Variants in FBLN7 observed in about 807,000 individuals in gnomAD.
The protein encoded by FBLN7 is fibulin-7.
A neutral mutation model predicts 44.0 loss-of-function variants in FBLN7; 31 were observed. The ratio of observed to expected loss-of-function variants is 0.70; its 90% CI spans 0.53 to 0.95. The LOEUF is 0.95. Ranked by LOEUF, FBLN7 falls within the 40% of genes least tolerant of loss-of-function variation. The pLI is 0.00. For synonymous variants in FBLN7, 262 were observed against 253.4 expected, an observed-to-expected ratio of 1.03 and a Z score of -0.32; for missense variants, 573 against 618.5, an observed-to-expected ratio of 0.93 and a Z score of 0.78.
chr2:112,141,256 C>T (rs1357072044), intron 1 of FBLN7, among the ~76,000 whole-genome samples: 4 of 152,152 alleles, frequency 2.6e-5, no homozygotes, highest in Non-Finnish European at 5.9e-5. Flanking sequence ...AAAGTGAGGC[C>T]CAGGGAGGAT....
intron 1 of FBLN7, among the ~76,000 whole-genome samples, chr2:112,150,161 G>A (rs143092119): frequency 3.9e-5 from 6 of 152,312 alleles, no homozygotes; most frequent in African/African-American, 1.4e-4. Flanking sequence ...ACCTTAGATG[G>A]AAGGGGAGGG....
At chr2:112,204,747 C>T in the FBLN7 span, among the ~76,000 whole-genome samples, 1 of 151,950 alleles carries the variant, frequency 6.6e-6, no homozygotes, top group Non-Finnish European at 1.5e-5. Flanking sequence ...TTCTCAAATA[C>T]AGAAAAATGG....
the FBLN7 span, among the ~76,000 whole-genome samples, chr2:112,241,439 AC>A: frequency 1.5e-3 from 232 of 150,834 alleles, 1 homozygote; most frequent in Non-Finnish European, 2.3e-3. Flanking sequence ...CTGTCCAGAG[AC>A]CCCCCCCTCA....
At chr2:112,244,400 C>T in the FBLN7 span, among the ~76,000 whole-genome samples, 76 of 152,126 alleles carry the variant, frequency 5.0e-4, no homozygotes, top group African/African-American at 1.7e-3. Flanking sequence ...AATGAGAAAC[C>T]AACAGCTAGA....
intron 1 of FBLN7, among the ~76,000 whole-genome samples, chr2:112,144,701 AT>A (rs1460040101): frequency 1.3e-5 from 2 of 151,230 alleles, no homozygotes; most frequent in Non-Finnish European, 3.0e-5. Flanking sequence ...TAATTTTTGT[AT>A]TTTTAGTAGA....
chr2:112,241,462 ATTGAATTCAGAAAATTCAGTGAAC>A, the FBLN7 span, among the ~76,000 whole-genome samples: 17 of 152,204 alleles, frequency 1.1e-4, no homozygotes, highest in East Asian at 1.9e-4. Context: ...GGGCCTATGG[ATTGAATTCAGAAAATTCAGTGAAC>A]TTGAATTCAG....
chr2:112,233,248 G>A, the FBLN7 span: 70 of 1,485,664 alleles, frequency 4.7e-5, no homozygotes, highest in Non-Finnish European at 5.9e-5. Flanking sequence ...CATATCTTGT[G>A]ATAAAGGATA....
the FBLN7 span, among the ~76,000 whole-genome samples, chr2:112,210,719 G>A: frequency 1.3e-5 from 2 of 150,760 alleles, no homozygotes; most frequent in Admixed American, 1.3e-4. Flanking sequence ...AGATGCTGGT[G>A]TGAAATCATG....
the FBLN7 span, among the ~76,000 whole-genome samples, chr2:112,217,181 C>T: frequency 6.6e-6 from 1 of 152,088 alleles, no homozygotes; most frequent in East Asian, 1.9e-4. Flanking sequence ...CCAGCCTGGC[C>T]AACATGGTGA....
intron 1 of FBLN7, among the ~76,000 whole-genome samples, chr2:112,142,798 G>A (rs1387182141): frequency 1.3e-5 from 2 of 150,884 alleles, no homozygotes; most frequent in Non-Finnish European, 2.9e-5. Context: ...AGATGTATGT[G>A]TCTCTGTGTG....
chr2:112,236,696 C>CCTGTGGGG, the FBLN7 span: 1 of 1,600,080 alleles, frequency 6.2e-7, no homozygotes, highest in Non-Finnish European at 8.5e-7. Context: ...TGTTTAGCAG[C>CCTGTGGGG]TAAAAACAAA....
chr2:112,163,325 A>T (rs1374600057), intron 2 of FBLN7, among the ~76,000 whole-genome samples: 1 of 152,240 alleles, frequency 6.6e-6, no homozygotes, highest in Non-Finnish European at 1.5e-5. Flanking sequence ...GGGGATGCTC[A>T]GTGACTCTGT....
chr2:112,187,284 T>A lies in FBLN7; in HGVS notation c.1098T>A (p.Ala366=). The change falls in exon 8 of 8, where the codon GCT becomes GCA. Residue 366 remains alanine (A), a synonymous_variant. Transcript: ENST00000331203. This position sits in a 1 kb window ranked among gnomAD's most constrained non-coding sequence, Gnocchi z 5.1. ...RMATASAPGR[A]GPNSLRFGIV... ...CCACAGCCTCTGCCCCCGGCCGAGC[T>A]GGGCCCAACAGCCTGCGGTTTGGGA... 6.2e-7 allele frequency: 1 copy of A among 1,614,166 alleles called. No homozygotes were observed. Among genetic ancestry groups the A allele is most frequent in the East Asian group, 2.2e-5 (1 of 44,890 alleles).
intron 2 of FBLN7, among the ~76,000 whole-genome samples, chr2:112,160,176 G>A (rs549529643): frequency 6.6e-6 from 1 of 152,248 alleles, no homozygotes; most frequent in East Asian, 1.9e-4. Flanking sequence ...ATTTTTAGTA[G>A]AGACGGGGTT....
intron 3 of FBLN7, among the ~76,000 whole-genome samples, chr2:112,173,161 T>C (rs1227042669): frequency 2.0e-5 from 3 of 152,272 alleles, no homozygotes; most frequent in South Asian, 2.1e-4. Flanking sequence ...TTTGCTCACG[T>C]TGGAAAAACA....
chr2:112,187,674 G>C lies in FBLN7; in HGVS notation c.*168G>C. On this transcript the variant is annotated 3_prime_UTR_variant, in exon 8 of 8. Transcript: ENST00000331203. The surrounding 1 kb of genome is among the most constrained non-coding windows in gnomAD (Gnocchi z 5.1). ...CGGCGCCCCATGGAATAGCACGGAA[G>C]AGCAGCCACAAAACTCAACTGCTGC... 1.2e-6 allele frequency: 1 copy of C among 854,726 alleles called. No individual in the cohort carries two copies. The highest frequency in any genetic ancestry group is 1.8e-5 in the South Asian group (1 of 55,856). 52.9% of individuals were successfully genotyped at this position (854,726 alleles called of 1,614,324 possible). A position where few individuals can be genotyped will look rare whatever the true frequency, so the allele number is the denominator to read the frequency against.
At chr2:112,218,095 A>C in the FBLN7 span, among the ~76,000 whole-genome samples, 1 of 152,212 alleles carries the variant, frequency 6.6e-6, no homozygotes, top group African/African-American at 2.4e-5. Context: ...CATGAAAAAC[A>C]ACTCATTCAG....
At chr2:112,198,163 G>T in the FBLN7 span, among the ~76,000 whole-genome samples, 1 of 152,140 alleles carries the variant, frequency 6.6e-6, no homozygotes, top group Admixed American at 6.6e-5. Flanking sequence ...CAATATTCCT[G>T]CAGCAGCTGA....
intron 1 of FBLN7, among the ~76,000 whole-genome samples, chr2:112,159,359 T>G (rs1281122528): frequency 6.6e-6 from 1 of 152,174 alleles, no homozygotes; most frequent in Non-Finnish European, 1.5e-5. Flanking sequence ...GAGCATTAAC[T>G]TAGAGTGAAG....
Sources: gnomAD v4.1 joint callset for allele counts (sites outside exome capture counted in the v4.1 genomes callset) on GRCh38, gnomAD v4.1.1 for gene constraint, Gnocchi (gnomAD v3.1) non-coding constraint, MANE v1.5 for transcripts, NCBI Gene and HGNC (gene_info 2026-07-23, HGNC 2026-07-21) for gene names.